The following NEB variants were observed in gnomAD, a reference collection of about 807,000 sequenced individuals.
The protein encoded by NEB is nebulin, also known as nemaline myopathy type 2.
A neutral mutation model predicts 952.2 loss-of-function variants in NEB; 512 were observed. The observed-to-expected ratio is 0.54, with a 90% CI of 0.50 to 0.58. NEB has a LOEUF of 0.58. Ranked by LOEUF, NEB falls within the 20% of genes least tolerant of loss-of-function variation. The pLI, the probability that NEB is intolerant of heterozygous loss-of-function variation, is 0.00. For missense variants in NEB, 8,428 were observed against 9,231.1 expected, an observed-to-expected ratio of 0.91 and a Z score of 3.56; for synonymous variants, 2,900 against 3,149.8, an observed-to-expected ratio of 0.92 and a Z score of 2.66.
At chr2:151,499,749 G>T (rs987251261) in intron 168 of NEB, among the ~76,000 whole-genome samples, 1 of 152,154 alleles carries the variant, frequency 6.6e-6, no homozygotes, top group South Asian at 2.1e-4. Context: ...TACAAAAAGC[G>T]TTTGTCTTAC....
At chr2:151,568,851 T>G in intron 110 of NEB, 135 bp from the exon 111 acceptor site, 2 of 679,138 alleles carry the variant, frequency 2.9e-6, no homozygotes, top group Non-Finnish European at 4.8e-6. Flanking sequence ...CTTGGGAATT[T>G]GGCTTTCTTT....
chr2:151,570,206 G>A lies in NEB; in HGVS notation c.17305C>T (p.His5769Tyr). ...QSPVDMLSILHSKNSQALVSD... is the reference protein window; with the variant it reads ...QSPVDMLSILYSKNSQALVSD... ...ACCAGAGCCTGGGAATTTTTAGAGT[G>A]CAGGATGGAAAGCATGTCCACAGGG... Residue 5769 changes from histidine (H) to tyrosine (Y), a missense_variant, in exon 109 of 182, where the codon CAC becomes TAC. Physicochemically the swap from His to Tyr is moderately conservative, Grantham distance 83. Transcript: ENST00000397345. 6.2e-7 allele frequency: 1 copy of A among 1,613,782 alleles called. No homozygotes were observed. The highest frequency in any genetic ancestry group is 1.1e-5 in the South Asian group (1 of 91,038).
At chr2:151,693,914 A>G (rs2099576637) in intron 20 of NEB, among the ~76,000 whole-genome samples, 1 of 152,110 alleles carries the variant, frequency 6.6e-6, no homozygotes, top group South Asian at 2.1e-4. Flanking sequence ...TTGCCCTTAC[A>G]TTAATTTCTT....
In NEB at chr2:151,697,430, C is replaced by A. The variant is rs577939684; in HGVS notation, c.1285G>T (p.Asp429Tyr). The change falls in exon 15 of 182, where the codon GAT (aspartate) becomes TAT (tyrosine). Residue 429 changes from aspartate (D) to tyrosine (Y), a missense_variant. By Grantham distance (160) the Asp-to-Tyr change is radical. This residue lies in a region of NEB where 2,851 missense variants were observed against 2,791.5 expected (regional missense o/e 1.02). Coordinates refer to ENST00000397345, the MANE Select transcript of NEB (RefSeq NM_001164508.2). ...CTGCCTACATAATGTCCCAAAATAT[C>A]TTTTAAGTAGGAATCTTTATATTTT... is the stretch of plus-strand genomic sequence containing the variant. Reference protein sequence around the residue: ...DKKYKDSYLKDILGHYVGSFE... With the variant: ...DKKYKDSYLKYILGHYVGSFE... The A allele has an allele frequency of 2.7e-5, 44 of 1,613,706 alleles. No individual in the cohort carries two copies. The highest frequency in any genetic ancestry group is 2.7e-4 in the African/African-American group (20 of 75,012).
intron 135 of NEB, among the ~76,000 whole-genome samples, chr2:151,544,764 C>A (rs1195690729): frequency 6.6e-6 from 1 of 152,176 alleles, no homozygotes; most frequent in East Asian, 1.9e-4. Context: ...TCGCTAAGAG[C>A]CTAAGATTCC....
chr2:151,688,886 C>G (rs1043221402), intron 24 of NEB, among the ~76,000 whole-genome samples: 6 of 152,116 alleles, frequency 3.9e-5, no homozygotes, highest in Admixed American at 3.9e-4. Flanking sequence ...TCATGCTACT[C>G]AGAACAACAT....
At chr2:151,732,490 G>A (rs2099811328) in intron 3 of NEB, among the ~76,000 whole-genome samples, 1 of 152,152 alleles carries the variant, frequency 6.6e-6, no homozygotes, top group Admixed American at 6.5e-5. Context: ...AAAAGCAAAA[G>A]CTAGTCTTGT....
In NEB at chr2:151,710,447, T is replaced by A; in HGVS notation, c.914A>T (p.Asp305Val). 6.2e-7 allele frequency: 1 copy of A among 1,611,270 alleles called. No homozygotes were observed. Among genetic ancestry groups the A allele is most frequent in the Non-Finnish European group, 8.5e-7 (1 of 1,177,694 alleles). ...FEVANARMNA[D>V]NISTRKYQED... ...TTCCCACTTAACTGTGCTAATGTTA[T>A]CAGCATTCATTCTGGCATTTGCAAC... The change falls in exon 11 of 182, where the codon GAT (aspartate) becomes GTT (valine). Residue 305 changes from aspartate to valine, a missense_variant. Around this residue, in one of 11 missense-constraint regions of NEB, gnomAD observed 2,851 missense variants for 2,791.5 expected, o/e 1.02. Transcript: ENST00000397345.
In NEB at chr2:151,709,833, A is replaced by AC. The variant is rs1208147884; in HGVS notation, c.928-71dup. 3 of 1,244,724 alleles carry AC rather than the reference A, an allele frequency of 2.4e-6. No homozygotes were observed. In the African/African-American group the frequency reaches 4.5e-5, roughly 19 times the overall value. The allele number at this position is 1,244,724 out of a possible 1,614,324, so 77.1% of individuals were successfully genotyped here. On this transcript the variant is annotated intron_variant, in intron 11 of 181. Coordinates refer to ENST00000397345, the MANE Select transcript of NEB (RefSeq NM_001164508.2). ...TATGCAAGAATTTCCATGAGAAGAC[A>AC]CAGGGATTTGGAAAAGTTACACAAT...
At position 151,610,039 on chromosome 2, in the gene NEB, A is replaced by T. The variant is rs973939120; in HGVS notation, c.12100T>A (p.Cys4034Ser). 4.3e-6 allele frequency: 7 copies of T among 1,613,826 alleles called. No homozygotes were observed. Among genetic ancestry groups the T allele is most frequent in the Non-Finnish European group, 5.9e-6 (7 of 1,179,818 alleles). ...TGAATTTTTCCTGCATGTATGGCAC[A>T]CATAATCTTGGGATCATCTTCAATG... The part of the protein sequence containing the change: ...QSIEDDPKIM[C>S]AIHAGKIQSE... The change falls in exon 81 of 182, where the codon TGT (cysteine) becomes AGT (serine). Residue 4034 changes from cysteine to serine, a missense_variant. Cys to Ser is a moderately radical substitution (Grantham distance 112). Transcript: ENST00000397345.
At position 151,519,814 on chromosome 2, in the gene NEB, A is replaced by G. The variant is rs554018092; in HGVS notation, c.22480-46T>C. On this transcript the variant is annotated intron_variant, in intron 153 of 181. Coordinates refer to ENST00000397345, the MANE Select transcript of NEB (RefSeq NM_001164508.2). ...CCAAATTATTCCTGGACATCAATCAATTTGGGAATTGGGGAATAGTAGAAA... is the reference window on the plus strand; with the variant it reads ...CCAAATTATTCCTGGACATCAATCAGTTTGGGAATTGGGGAATAGTAGAAA... 9 of 1,287,794 alleles carry G rather than the reference A, an allele frequency of 7.0e-6. No individual in the cohort carries two copies. In the Admixed American group the frequency reaches 1.2e-4, roughly 17 times the overall value. 79.8% of individuals were successfully genotyped at this position (1,287,794 alleles called of 1,614,324 possible).
At chr2:151,716,034 C>G in intron 10 of NEB, 1 of 309,044 alleles carries the variant, frequency 3.2e-6, no homozygotes, top group Non-Finnish European at 6.4e-6. Context: ...ATTCCTTTTT[C>G]TTTCTAAATG....
rs1443449526 is a variant in NEB, at chr2:151,642,556, C to T, written c.8373+18G>A. 1.3e-6 allele frequency: 2 copies of T among 1,592,192 alleles called. No homozygotes were observed. The highest frequency in any genetic ancestry group is 1.3e-5 in the African/African-American group (1 of 74,380). ...TTTGAGCCAAAGCTAAGGCAAATAA[C>T]TTTCCAAGTATACTTACTTCACTTG... On this transcript the variant is annotated intron_variant, in intron 60 of 181. Coordinates refer to ENST00000397345, the MANE Select transcript of NEB (RefSeq NM_001164508.2).
In NEB at chr2:151,529,243, T is replaced by C. The variant is rs749386509; in HGVS notation, c.21702A>G (p.Lys7234=). 3.7e-6 allele frequency: 6 copies of C among 1,613,548 alleles called. No homozygotes were observed. In the South Asian group the frequency reaches 6.6e-5, roughly 18 times the overall value. ...CTIEPDAVHI[K]AAKDAYKVNT... ...TGACTTTGTAGGCGTCCTTGGCTGCTTTGATATGAACAGCATCTGGCTCAA... is the reference window on the plus strand; with the variant it reads ...TGACTTTGTAGGCGTCCTTGGCTGCCTTGATATGAACAGCATCTGGCTCAA... Residue 7234 remains lysine, a synonymous_variant, in exon 146 of 182, where the codon AAA becomes AAG. Transcript: ENST00000397345.
chr2:151,685,699 G>A (rs1056099804), intron 27 of NEB, among the ~76,000 whole-genome samples: 1 of 152,158 alleles, frequency 6.6e-6, no homozygotes, highest in Non-Finnish European at 1.5e-5. Flanking sequence ...TGGTTTTCTG[G>A]AATGGTTAGA....
intron 161 of NEB, among the ~76,000 whole-genome samples, chr2:151,508,755 A>G (rs2071403242): frequency 6.6e-6 from 1 of 152,242 alleles, no homozygotes; most frequent in East Asian, 1.9e-4. Context: ...TGACTGGCCA[A>G]GGACTGCTCT....
In NEB at chr2:151,655,928, T is replaced by C. The variant is rs1553462437; in HGVS notation, c.6591A>G (p.Glu2197=). 6.2e-7 allele frequency: 1 copy of C among 1,613,828 alleles called. No individual in the cohort carries two copies. The highest frequency in any genetic ancestry group is 8.5e-7 in the Non-Finnish European group (1 of 1,179,800). The part of the protein sequence containing the change: ...LEVEKAKKAT[E]YASDQKYRQH... ...GGCGGTATTTCTGATCACTGGCATA[T>C]TCAGTTGCTTTCTTGGCCTTCTCCA... The change falls in exon 50 of 182, where the codon GAA becomes GAG. Residue 2197 remains glutamate (E), a synonymous_variant. Coordinates refer to ENST00000397345, the MANE Select transcript of NEB (RefSeq NM_001164508.2).
At chr2:151,573,665 C>T (rs538637730) in intron 107 of NEB, among the ~76,000 whole-genome samples, 1 of 152,316 alleles carries the variant, frequency 6.6e-6, no homozygotes, top group East Asian at 1.9e-4. Context: ...CTCACAAAGA[C>T]ATATTATTCT....
rs774312169 is a variant in NEB, at chr2:151,696,625, A to G, written c.1569+12T>C. On this transcript the variant is annotated intron_variant, in intron 17 of 181. Coordinates refer to ENST00000397345, the MANE Select transcript of NEB (RefSeq NM_001164508.2). ...TCATAATTGGGTGTCCTGAGTAGTT[A>G]GAGGAACTTACGTCACTCAGTTGTT... The G allele has an allele frequency of 5.6e-6, 9 of 1,599,018 alleles. No individual in the cohort carries two copies. Among genetic ancestry groups the G allele is most frequent in the East Asian group, 2.2e-5 (1 of 44,780 alleles).
Sources: allele counts gnomAD v4.1 joint callset (sites outside exome capture counted in the v4.1 genomes callset), GRCh38; gene constraint gnomAD v4.1.1; regional missense constraint gnomAD v4.1.1; transcripts MANE v1.5; gene names NCBI Gene and HGNC (gene_info 2026-07-23, HGNC 2026-07-21).